Variants in PCDHGB1 observed in about 807,000 individuals in gnomAD.
PCDHGB1 encodes protocadherin gamma subfamily B, 1.
Under a neutral mutation model 56.6 loss-of-function variants are expected in PCDHGB1, and 34 were observed. The ratio of observed to expected loss-of-function variants is 0.60; its 90% CI spans 0.46 to 0.80. PCDHGB1 has a LOEUF of 0.80. PCDHGB1 is among the 30% of genes least tolerant of loss of function. The pLI, the probability that PCDHGB1 is intolerant of heterozygous loss-of-function variation, is 0.00. For synonymous variants in PCDHGB1, 561 were observed against 505.9 expected (o/e 1.11, Z -1.46); for missense variants, 1,278 against 1,204.6 (o/e 1.06, Z -0.90).
At chr5:141,446,985 C>T (rs1411339328) in intron 1 of PCDHGB1, among the ~76,000 whole-genome samples, 1 of 152,064 alleles carries the variant, frequency 6.6e-6, no homozygotes, top group Non-Finnish European at 1.5e-5. Context: ...AATTCATACT[C>T]CACTCTTCAG....
At chr5:141,394,639 T>C (rs2150578020) in intron 1 of PCDHGB1, 2 of 1,611,968 alleles carry the variant, frequency 1.2e-6, no homozygotes, top group Middle Eastern at 1.7e-4. Flanking sequence ...TACCGCCTGC[T>C]CAAGGCCAGC....
intron 1 of PCDHGB1, chr5:141,389,822 C>T (rs1253797821): frequency 1.2e-6 from 2 of 1,613,932 alleles, no homozygotes; most frequent in Non-Finnish European, 1.7e-6. Flanking sequence ...CCGTGCGTGA[C>T]GGTGGACAGC....
At position 141,418,594 on chromosome 5, in the gene PCDHGB1, C is replaced by G. The variant is rs775489120; in HGVS notation, c.2409+65925C>G. 2.9e-5 allele frequency: 47 copies of G among 1,613,904 alleles called. No individual in the cohort carries two copies. In the South Asian group the frequency reaches 4.6e-4, roughly 16 times the overall value. On this transcript the variant is annotated intron_variant, in intron 1 of 3. Transcript: ENST00000523390. ...ACAACCCCCCAGTGTTCAGCCAGGA[C>G]GTGTACAGGGTTAGCCTTCGGGAAG...
chr5:141,362,960 A>C (rs900471696), intron 1 of PCDHGB1, among the ~76,000 whole-genome samples: 10 of 152,248 alleles, frequency 6.6e-5, no homozygotes, highest in African/African-American at 2.4e-4. Context: ...GAAATTGGGA[A>C]ACAAAGAAGA....
At chr5:141,379,889 C>CTTTTTTATTTTTTTTTTTTTTTTTTTTTT (rs1775946036) in intron 1 of PCDHGB1, among the ~76,000 whole-genome samples, 1 of 50,830 alleles carries the variant, frequency 2.0e-5, no homozygotes, top group Non-Finnish European at 3.9e-5. Context: ...GTGAAAGCCT[C>CTTTTTTATTTTTTTTTTTTTTTTTTTTTT]TTTTTTTTTT....
chr5:141,388,335 C>A (rs67622091), intron 1 of PCDHGB1: 89,774 of 1,613,756 alleles, frequency 0.056, 3,043 homozygotes, highest in African/African-American at 0.15. Context: ...GCCTGGCACA[C>A]GATTTATATT....
At chr5:141,371,295 C>G (rs1362756223) in intron 1 of PCDHGB1, 3 of 1,613,880 alleles carry the variant, frequency 1.9e-6, no homozygotes, top group Non-Finnish European at 2.5e-6. Context: ...AACGGGGGAA[C>G]TCACCACTAT....
chr5:141,511,823 G>A lies in PCDHGB1; in HGVS notation c.*650G>A, dbSNP rs1490513046. On this transcript the variant is annotated 3_prime_UTR_variant, in exon 4 of 4. Transcript: ENST00000523390. ...TTTTGCTACCAAGCCTCTTCCCAACGCCCTGGGGACCAGTCTTCTGTTTTG... is the reference window on the plus strand; with the variant it reads ...TTTTGCTACCAAGCCTCTTCCCAACACCCTGGGGACCAGTCTTCTGTTTTG... 4 of 156,728 alleles carry A rather than the reference G, an allele frequency of 2.6e-5. No homozygotes were observed. The highest frequency in any genetic ancestry group is 3.2e-3 in the Middle Eastern group (1 of 316). 9.7% of individuals were successfully genotyped at this position (156,728 alleles called of 1,614,324 possible). A position where few individuals can be genotyped will look rare whatever the true frequency, so the allele number is the denominator to read the frequency against.
intron 1 of PCDHGB1, among the ~76,000 whole-genome samples, chr5:141,447,863 A>G (rs553375129): frequency 6.6e-6 from 1 of 152,254 alleles, no homozygotes; most frequent in East Asian, 1.9e-4. Flanking sequence ...AGGTGGGTGA[A>G]TCATCTGAGG....
chr5:141,469,868 C>T (rs749624047), intron 1 of PCDHGB1, among the ~76,000 whole-genome samples: 6 of 152,228 alleles, frequency 3.9e-5, no homozygotes, highest in Non-Finnish European at 7.3e-5. Flanking sequence ...CAATGGCTCA[C>T]GCCTGTAATC....
intron 1 of PCDHGB1, among the ~76,000 whole-genome samples, chr5:141,359,300 T>C (rs1221692939): frequency 6.6e-6 from 1 of 152,140 alleles, no homozygotes; most frequent in Non-Finnish European, 1.5e-5. Context: ...GTGTCAAGCA[T>C]ATTCAGGTGT....
chr5:141,489,094 G>GAAT lies in PCDHGB1; in HGVS notation c.2410-5711_2410-5710insTAA, dbSNP rs2154581134. 5.1e-6 allele frequency: 2 copies of GAAT among 396,028 alleles called. No homozygotes were observed. Among genetic ancestry groups the GAAT allele is most frequent in the Non-Finnish European group, 9.0e-6 (2 of 221,296 alleles). 24.5% of individuals were successfully genotyped at this position (396,028 alleles called of 1,614,324 possible). Reference sequence around the variant, plus strand: ...CCCACCCCCGCCACTCGGTGACTAAGAACTGCTGCAAGCAGGCAAACCTCC... The same window carrying GAAT: ...CCCACCCCCGCCACTCGGTGACTAAGAATAACTGCTGCAAGCAGGCAAACCTCC... On this transcript the variant is annotated intron_variant, in intron 1 of 3. Coordinates refer to ENST00000523390, the MANE Select transcript of PCDHGB1 (RefSeq NM_018922.3). The surrounding 1 kb of genome is among the most constrained non-coding windows in gnomAD (Gnocchi z 4.5).
At chr5:141,404,892 A>T in intron 1 of PCDHGB1, 1 of 1,613,880 alleles carries the variant, frequency 6.2e-7, no homozygotes, top group African/African-American at 1.3e-5. Context: ...GTGGCTGTAC[A>T]GGACCATGGC....
intron 1 of PCDHGB1, chr5:141,376,138 C>G (rs1234340396): frequency 1.2e-6 from 2 of 1,613,948 alleles, no homozygotes; most frequent in South Asian, 2.2e-5. Context: ...CCAAACCCAA[C>G]GATTCGGACC....
chr5:141,377,736 G>A (rs1308540994), intron 1 of PCDHGB1: 1 of 152,060 alleles, frequency 6.6e-6, no homozygotes, highest in African/African-American at 2.4e-5. Flanking sequence ...AAGAATCATT[G>A]GTAACTGCAG....
intron 1 of PCDHGB1, chr5:141,478,910 A>C (rs568573298): frequency 1.1e-6 from 1 of 893,688 alleles, no homozygotes; most frequent in Non-Finnish European, 1.6e-6. Context: ...AAGCTGCTGG[A>C]TACCTCTAAC....
chr5:141,367,484 C>A (rs1377181139), intron 1 of PCDHGB1: 13 of 152,012 alleles, frequency 8.6e-5, no homozygotes, highest in Admixed American at 8.5e-4. Flanking sequence ...TTGCAGTAAG[C>A]CGAGATCGCG....
Position 141,376,227 on chromosome 5 carries a change from G to T in PCDHGB1, c.2409+23558G>T, listed in dbSNP as rs1210093854. On this transcript the variant is annotated intron_variant, in intron 1 of 3. Coordinates refer to ENST00000523390, the MANE Select transcript of PCDHGB1 (RefSeq NM_018922.3). ...TTCGTCATCGTGCTGCTGGCGCTCA[G>T]ACTGCAGCGCTGGCACAAGTCACGC... The T allele has an allele frequency of 4.3e-6, 7 of 1,614,216 alleles. No homozygotes were observed. The South Asian group carries it at 7.7e-5, about 18-fold the overall frequency.
intron 1 of PCDHGB1, among the ~76,000 whole-genome samples, chr5:141,446,698 G>C (rs750413432): frequency 1.3e-5 from 2 of 152,070 alleles, no homozygotes; most frequent in African/African-American, 4.8e-5. Flanking sequence ...GGCTGGTCTC[G>C]AACTCTGATC....
Sources: gnomAD v4.1 joint callset for allele counts (sites outside exome capture counted in the v4.1 genomes callset) on GRCh38, gnomAD v4.1.1 for gene constraint, Gnocchi (gnomAD v3.1) non-coding constraint, MANE v1.5 for transcripts, NCBI Gene and HGNC (gene_info 2026-07-23, HGNC 2026-07-21) for gene names.